BACH1: variants seen among roughly 807,000 people sequenced by gnomAD.
BACH1 encodes transcription regulator protein BACH1.
In BACH1, 35 loss-of-function variants were observed where a neutral mutation model predicts 52.9. That is an observed-to-expected ratio of 0.66 (90% CI 0.51 to 0.88). BACH1 has a LOEUF of 0.88. Among genes scored for constraint, BACH1 ranks in the 40% least tolerant of loss-of-function variants. BACH1 has a pLI of 0.00. For synonymous variants in BACH1, 321 were observed against 319.6 expected (o/e 1.00, Z -0.05); for missense variants, 808 against 872.6 (o/e 0.93, Z 0.93).
Position 29,326,751 on chromosome 21 carries a change from C to T in BACH1, c.927C>T (p.Phe309=). The change falls in exon 3 of 5, where the codon TTC becomes TTT. Residue 309 remains phenylalanine (F), a synonymous_variant. Transcript: ENST00000286800. ...CPTEKSEVTP[F]PHNSSIDPHG... ...CTGAAAAATCAGAAGTGACTCCTTTCCCCCACAATTCTTCCATAGACCCTC... is the reference window on the plus strand; with the variant it reads ...CTGAAAAATCAGAAGTGACTCCTTTTCCCCACAATTCTTCCATAGACCCTC... 6.2e-7 allele frequency: 1 copy of T among 1,613,948 alleles called. No homozygotes were observed. Among genetic ancestry groups the T allele is most frequent in the Non-Finnish European group, 8.5e-7 (1 of 1,180,028 alleles).
At position 29,345,179 on chromosome 21, in the gene BACH1, T is replaced by C. The variant is rs1465917294; in HGVS notation, c.*2346T>C. On this transcript the variant is annotated 3_prime_UTR_variant, in exon 5 of 5. Coordinates refer to ENST00000286800, the MANE Select transcript of BACH1 (RefSeq NM_001186.4). ...GGACAGATAAAAAAGATTTTACGTT[T>C]GTCTTTTGGCCATAAGTGGGAAAGT... 3 of 152,668 alleles carry C rather than the reference T, an allele frequency of 2.0e-5. No individual in the cohort carries two copies. Among genetic ancestry groups the C allele is most frequent in the African/African-American group, 7.2e-5 (3 of 41,462 alleles). 9.5% of individuals were successfully genotyped at this position (152,668 alleles called of 1,614,324 possible).
At chr21:29,312,372 A>T (rs1490632689) in intron 1 of BACH1, among the ~76,000 whole-genome samples, 1 of 152,160 alleles carries the variant, frequency 6.6e-6, no homozygotes, top group Non-Finnish European at 1.5e-5. Context: ...CACTTTCCTT[A>T]TATGGGAATG....
chr21:29,306,259 C>T (rs1271906092), intron 1 of BACH1, among the ~76,000 whole-genome samples: 1 of 150,698 alleles, frequency 6.6e-6, no homozygotes, highest in African/African-American at 2.4e-5. Flanking sequence ...CAGGCAACGT[C>T]CTTGTTTTGT....
downstream of BACH1, among the ~76,000 whole-genome samples, chr21:29,349,670 A>G (rs537420052): frequency 3.0e-4 from 45 of 152,270 alleles, no homozygotes; most frequent in African/African-American, 9.4e-4. Context: ...AAGCTAATGT[A>G]AGGATTTTCC....
chr21:29,321,270 T>G lies in BACH1; in HGVS notation c.-11T>G, dbSNP rs749193862. On this transcript the variant is annotated 5_prime_UTR_variant, in exon 2 of 5. Transcript: ENST00000286800. ...TTCCACTGAACTTCCCGACAACATTTGTTATGCAGAATGTCTCTGAGTGAG... is the reference window on the plus strand; with the variant it reads ...TTCCACTGAACTTCCCGACAACATTGGTTATGCAGAATGTCTCTGAGTGAG... 5 of 1,601,006 alleles carry G rather than the reference T, an allele frequency of 3.1e-6. No individual in the cohort carries two copies. The African/African-American group carries it at 6.7e-5, about 21-fold the overall frequency.
At chr21:29,346,914 A>G (rs910312331), downstream of BACH1, among the ~76,000 whole-genome samples, 5 of 152,198 alleles carry the variant, frequency 3.3e-5, no homozygotes, top group Non-Finnish European at 5.9e-5. Context: ...CTGGCGTGTT[A>G]AAGGAACAGA....
At chr21:29,321,998 T>C (rs1031219336) in intron 2 of BACH1, among the ~76,000 whole-genome samples, 2 of 152,252 alleles carry the variant, frequency 1.3e-5, no homozygotes, top group African/African-American at 4.8e-5. Flanking sequence ...CTCACAATCA[T>C]GGTGGAAGAC....
intron 1 of BACH1, among the ~76,000 whole-genome samples, chr21:29,301,764 TCCTTG>T (rs2088606244): frequency 6.6e-6 from 1 of 152,208 alleles, no homozygotes; most frequent in African/African-American, 2.4e-5. Flanking sequence ...GTACTGTTAC[TCCTTG>T]AAGTCTGTTT....
intron 1 of BACH1, among the ~76,000 whole-genome samples, chr21:29,316,568 G>A (rs1273196846): frequency 6.6e-6 from 1 of 152,206 alleles, no homozygotes; most frequent in East Asian, 1.9e-4. Context: ...ATGTTAGAAG[G>A]TGCATGATGG....
intron 1 of BACH1, chr21:29,299,478 G>A (rs927071898): frequency 2.0e-5 from 3 of 152,326 alleles, no homozygotes; most frequent in African/African-American, 7.2e-5. Flanking sequence ...TTTGTGGCTG[G>A]GGAGAGAAGG....
intron 4 of BACH1, among the ~76,000 whole-genome samples, chr21:29,334,792 G>A (rs757729492): frequency 6.6e-6 from 1 of 152,092 alleles, no homozygotes; most frequent in Non-Finnish European, 1.5e-5. Flanking sequence ...GACCTCATCC[G>A]TCCTTAGTGA....
At chr21:29,329,749 A>G (rs569264457) in intron 4 of BACH1, 56 bp downstream of exon 4, 7 of 1,298,544 alleles carry the variant, frequency 5.4e-6, no homozygotes, top group Non-Finnish European at 6.1e-6. Flanking sequence ...TTTTTTGTCA[A>G]GGAAATAGTT....
At chr21:29,342,369 G>A in intron 4 of BACH1, 30 bp from the exon 5 acceptor site, 1 of 1,581,436 alleles carries the variant, frequency 6.3e-7, no homozygotes, top group Non-Finnish European at 8.6e-7. Flanking sequence ...ATAAACACAA[G>A]CCATTGTGTT....
intron 4 of BACH1, among the ~76,000 whole-genome samples, chr21:29,332,188 C>G (rs1339241038): frequency 6.6e-6 from 1 of 152,194 alleles, no homozygotes; most frequent in Non-Finnish European, 1.5e-5. Flanking sequence ...CCCGCCTCAG[C>G]CTTCCAAAGT....
chr21:29,342,449 T>C lies in BACH1; in HGVS notation c.1827T>C (p.Thr609=). The change falls in exon 5 of 5, where the codon ACT becomes ACC. Residue 609 remains threonine (T), a synonymous_variant. Coordinates refer to ENST00000286800, the MANE Select transcript of BACH1 (RefSeq NM_001186.4). The part of the protein sequence containing the change: ...LLKERDHILS[T]LGETKQNLTG... Reference sequence around the variant, plus strand: ...AGGAAAGAGATCACATTTTGTCAACTCTGGGTGAGACAAAGCAGAACCTAA... The same window carrying C: ...AGGAAAGAGATCACATTTTGTCAACCCTGGGTGAGACAAAGCAGAACCTAA... 4 of 1,614,200 alleles carry C rather than the reference T, an allele frequency of 2.5e-6. No individual in the cohort carries two copies. Among genetic ancestry groups the C allele is most frequent in the Non-Finnish European group, 3.4e-6 (4 of 1,180,036 alleles).
At chr21:29,352,287 C>T (rs1364481689) in intron 2 of BACH1, among the ~76,000 whole-genome samples, 2 of 152,032 alleles carry the variant, frequency 1.3e-5, no homozygotes, top group Non-Finnish European at 2.9e-5. Context: ...CTCCTGACCT[C>T]AAGTGATCCG....
Position 29,326,897 on chromosome 21 carries a change from A to C in BACH1, c.1073A>C (p.Glu358Ala). The C allele has an allele frequency of 6.2e-7, 1 of 1,614,246 alleles. No individual in the cohort carries two copies. Among genetic ancestry groups the C allele is most frequent in the Non-Finnish European group, 8.5e-7 (1 of 1,180,046 alleles). The change falls in exon 3 of 5, where the codon GAA becomes GCA. Residue 358 changes from glutamate to alanine, a missense_variant. Transcript: ENST00000286800. ...EKPLSGTDVQ[E>A]KTFGESQDLP... is the part of the protein sequence containing the mutation. ...CCTTTGTCAGGTACAGACGTCCAAGAAAAAACATTTGGTGAAAGTCAGGAT... is the reference window on the plus strand; with the variant it reads ...CCTTTGTCAGGTACAGACGTCCAAGCAAAAACATTTGGTGAAAGTCAGGAT...
At chr21:29,334,742 T>G (rs769910794) in intron 4 of BACH1, among the ~76,000 whole-genome samples, 5 of 152,238 alleles carry the variant, frequency 3.3e-5, no homozygotes, top group Non-Finnish European at 7.3e-5. Context: ...ACCATTTTAT[T>G]TCATTACTTT....
chr21:29,336,751 A>G (rs2089049891), intron 4 of BACH1, among the ~76,000 whole-genome samples: 1 of 151,920 alleles, frequency 6.6e-6, no homozygotes, highest in African/African-American at 2.4e-5. Context: ...AGCTCACTGC[A>G]ACCTCTACCT....
Sources: gnomAD v4.1 joint callset for allele counts (sites outside exome capture counted in the v4.1 genomes callset) on GRCh38, gnomAD v4.1.1 for gene constraint, MANE v1.5 for transcripts, NCBI Gene and HGNC (gene_info 2026-07-23, HGNC 2026-07-21) for gene names.